The following SLX4IP variants were observed in gnomAD, a reference collection of about 807,000 sequenced individuals.
SLX4IP encodes SLX4 interacting protein.
A neutral mutation model predicts 32.9 loss-of-function variants in SLX4IP; 34 were observed. The observed-to-expected ratio is 1.03, with a 90% CI of 0.79 to 1.38. The LOEUF is 1.38. SLX4IP is among the 40% of genes most tolerant of loss of function. The pLI is 0.00. For synonymous variants in SLX4IP, 172 were observed against 171.7 expected (o/e 1.00, Z -0.01); for missense variants, 444 against 479.0 (o/e 0.93, Z 0.68).
chr20:10,558,095 T>C, intron 3 of SLX4IP, among the ~76,000 whole-genome samples: 1 of 152,148 alleles, frequency 6.6e-6, no homozygotes, highest in Non-Finnish European at 1.5e-5. Context: ...ATCCCAGCAC[T>C]TTGGGAGCCC....
intron 2 of SLX4IP, among the ~76,000 whole-genome samples, chr20:10,531,537 C>T (rs566351209): frequency 6.6e-6 from 1 of 152,278 alleles, no homozygotes; most frequent in African/African-American, 2.4e-5. Context: ...GAATGGTTCT[C>T]AGCTGTGGGG....
intron 2 of SLX4IP, among the ~76,000 whole-genome samples, chr20:10,489,985 G>C (rs2122394853): frequency 6.6e-6 from 1 of 152,090 alleles, no homozygotes; most frequent in South Asian, 2.1e-4. Flanking sequence ...ATCTTTCATA[G>C]GTAAAAACAG....
rs183832554 is a variant in SLX4IP, at chr20:10,471,420, C to G, written c.27+13189C>G. On this transcript the variant is annotated intron_variant, in intron 2 of 7. Coordinates refer to ENST00000334534, the MANE Select transcript of SLX4IP (RefSeq NM_001009608.3). ...AATAAAGGTTAGTGAAAAAGAGATA[C>G]CAGAGCACCCAGCATAGCTGGGTTA... Among the ~76,000 whole-genome samples the G allele has an allele frequency of 9.4e-4, 143 of 152,244 alleles. 2 individuals are homozygous for G. Among genetic ancestry groups the G allele is most frequent in the Middle Eastern group, 3.4e-3 (1 of 294 alleles).
At chr20:10,541,330 C>T (rs2122478629) in intron 2 of SLX4IP, among the ~76,000 whole-genome samples, 1 of 152,288 alleles carries the variant, frequency 6.6e-6, no homozygotes, top group South Asian at 2.1e-4. Context: ...GGATGGGATT[C>T]CCCTTGCATC....
At chr20:10,577,744 G>A (rs1011727577) in intron 4 of SLX4IP, among the ~76,000 whole-genome samples, 2 of 152,148 alleles carry the variant, frequency 1.3e-5, no homozygotes, top group Non-Finnish European at 2.9e-5. Context: ...AGAAATGAAT[G>A]AATGACAACA....
intron 6 of SLX4IP, among the ~76,000 whole-genome samples, chr20:10,609,753 G>A (rs2066944783): frequency 6.6e-6 from 1 of 152,062 alleles, no homozygotes; most frequent in Non-Finnish European, 1.5e-5. Flanking sequence ...CACAGGTGTT[G>A]GCACTTTTCA....
At chr20:10,547,460 C>T (rs1600987964) in intron 2 of SLX4IP, among the ~76,000 whole-genome samples, 1 of 152,224 alleles carries the variant, frequency 6.6e-6, no homozygotes, top group East Asian at 1.9e-4. Flanking sequence ...ACAAGTCACA[C>T]TCTCCCAAGC....
At chr20:10,562,319 G>C (rs1452931773) in intron 4 of SLX4IP, among the ~76,000 whole-genome samples, 1 of 152,202 alleles carries the variant, frequency 6.6e-6, no homozygotes, top group Non-Finnish European at 1.5e-5. Context: ...GGAGAGGCCA[G>C]AAGGGGGATC....
chr20:10,473,177 G>A (rs1308479515), intron 2 of SLX4IP, among the ~76,000 whole-genome samples: 1 of 152,206 alleles, frequency 6.6e-6, no homozygotes, highest in Non-Finnish European at 1.5e-5. Context: ...TATACGCTGT[G>A]GTGGTACTTA....
At position 10,457,272 on chromosome 20, in the gene SLX4IP, G is replaced by A. The variant is rs186694879; in HGVS notation, c.-29-904G>A. The stretch of plus-strand genomic sequence containing the variant: ...ATGAAAAGAAGTGGCAAGAGCAGAC[G>A]TTTCATGTAAAGACATGTCTCTCAT... On this transcript the variant is annotated intron_variant, in intron 1 of 7. Coordinates refer to ENST00000334534, the MANE Select transcript of SLX4IP (RefSeq NM_001009608.3). Among the ~76,000 whole-genome samples, 472 of 152,152 alleles carry A rather than the reference G, an allele frequency of 3.1e-3. 3 individuals carry two copies. The highest frequency in any genetic ancestry group is 0.011 in the African/African-American group (438 of 41,530).
At chr20:10,439,986 T>A (rs1318209596) in intron 1 of SLX4IP, among the ~76,000 whole-genome samples, 1 of 152,172 alleles carries the variant, frequency 6.6e-6, no homozygotes, top group Non-Finnish European at 1.5e-5. Flanking sequence ...GTATTGACGT[T>A]TTGTGCTTGA....
At chr20:10,488,545 G>A (rs1289529620) in intron 2 of SLX4IP, among the ~76,000 whole-genome samples, 3 of 152,216 alleles carry the variant, frequency 2.0e-5, no homozygotes, top group African/African-American at 7.2e-5. Context: ...GCCTCAGGAA[G>A]CAAATACAGC....
Position 10,625,736 on chromosome 20 carries a change from C to T in SLX4IP, c.*2357C>T, listed in dbSNP as rs1263902716. The stretch of plus-strand genomic sequence containing the variant: ...AGTTTTCCTCACAGCCCTCACGTCC[C>T]TTCATGTAAAAGGGATTTTAACAGG... On this transcript the variant is annotated 3_prime_UTR_variant, in exon 8 of 8. Coordinates refer to ENST00000334534, the MANE Select transcript of SLX4IP (RefSeq NM_001009608.3). 1 of 152,164 alleles carries T rather than the reference C, an allele frequency of 6.6e-6. No individual in the cohort carries two copies. Among genetic ancestry groups the T allele is most frequent in the Non-Finnish European group, 1.5e-5 (1 of 68,028 alleles). 9.4% of individuals were successfully genotyped at this position (152,164 alleles called of 1,614,324 possible). A position where few individuals can be genotyped will look rare whatever the true frequency, so the allele number is the denominator to read the frequency against.
intron 2 of SLX4IP, among the ~76,000 whole-genome samples, chr20:10,532,976 C>T (rs1208521480): frequency 2.0e-5 from 3 of 152,060 alleles, no homozygotes; most frequent in Admixed American, 2.0e-4. Flanking sequence ...GGGGTTTCAC[C>T]ATGTTGGCTA....
intron 2 of SLX4IP, among the ~76,000 whole-genome samples, chr20:10,474,062 A>G (rs891381574): frequency 6.6e-6 from 1 of 152,150 alleles, no homozygotes; most frequent in South Asian, 2.1e-4. Context: ...ACCTCAGATG[A>G]CCCACCTGCC....
chr20:10,583,161 C>T (rs1006222034), intron 4 of SLX4IP, among the ~76,000 whole-genome samples: 1 of 152,094 alleles, frequency 6.6e-6, no homozygotes, highest in Non-Finnish European at 1.5e-5. Context: ...CCTGCTCCCC[C>T]AACTATTTTA....
intron 2 of SLX4IP, among the ~76,000 whole-genome samples, chr20:10,488,970 G>A (rs1028337252): frequency 2.6e-5 from 4 of 152,010 alleles, no homozygotes; most frequent in Non-Finnish European, 5.9e-5. Flanking sequence ...GCTGGTTTGG[G>A]GTTAGCATAG....
rs35993699 is a variant in SLX4IP at position 10,477,898 on chromosome 20, C to CT, written c.27+19684dup. ...TGTGGTGTTCCTTGTTACAATCTCC[C>CT]TTTTTTTTTTTTTTTTTGAAACGGA... is the stretch of plus-strand genomic sequence containing the variant. On this transcript the variant is annotated intron_variant, in intron 2 of 7. Coordinates refer to ENST00000334534, the MANE Select transcript of SLX4IP (RefSeq NM_001009608.3). Among the ~76,000 whole-genome samples, 220 of 129,838 alleles carry CT rather than the reference C, an allele frequency of 1.7e-3. 2 individuals carry two copies. Among genetic ancestry groups the CT allele is most frequent in the South Asian group, 4.3e-3 (17 of 3,964 alleles). 85.2% of individuals were successfully genotyped at this position (129,838 alleles called of 152,430 possible).
chr20:10,573,097 A>G (rs988415467), intron 4 of SLX4IP, among the ~76,000 whole-genome samples: 2 of 152,258 alleles, frequency 1.3e-5, no homozygotes, highest in African/African-American at 2.4e-5. Flanking sequence ...CTCTTCAGAC[A>G]CAGGCTCATT....
Sources: allele counts gnomAD v4.1 joint callset (sites outside exome capture counted in the v4.1 genomes callset), GRCh38; gene constraint gnomAD v4.1.1; transcripts MANE v1.5; gene names NCBI Gene and HGNC (gene_info 2026-07-23, HGNC 2026-07-21).